Variants in UNC13C observed in about 807,000 individuals in gnomAD.
The protein encoded by UNC13C is protein unc-13 homolog C.
UNC13C carries 174 observed loss-of-function variants against 245.4 expected under a neutral mutation model. The ratio of observed to expected loss-of-function variants is 0.71; its 90% CI spans 0.63 to 0.80. UNC13C has a LOEUF of 0.80. UNC13C is among the 30% of genes least tolerant of loss of function. UNC13C has a pLI of 0.00. For missense variants in UNC13C, 2,829 were observed against 2,602.9 expected (o/e 1.09, Z -1.89); for synonymous variants, 992 against 895.1 (o/e 1.11, Z -1.93).
At chr15:54,491,054 C>T (rs1456878784) in intron 19 of UNC13C, among the ~76,000 whole-genome samples, 1 of 152,196 alleles carries the variant, frequency 6.6e-6, no homozygotes, top group African/African-American at 2.4e-5. Flanking sequence ...TTCCTAAGCT[C>T]CATCTACTTC....
chr15:54,337,234 G>A (rs770339174), intron 16 of UNC13C, among the ~76,000 whole-genome samples: 7 of 151,996 alleles, frequency 4.6e-5, no homozygotes, highest in Admixed American at 2.0e-4. Context: ...AGATTTAACC[G>A]GATTTATTTC....
chr15:53,943,005 C>CT, the UNC13C span, among the ~76,000 whole-genome samples: 1 of 152,120 alleles, frequency 6.6e-6, no homozygotes. Context: ...TGAAATCTTT[C>CT]TTTTCACTAA....
At chr15:53,851,755 G>A in the UNC13C span, among the ~76,000 whole-genome samples, 7 of 152,112 alleles carry the variant, frequency 4.6e-5, no homozygotes, top group East Asian at 1.9e-4. Flanking sequence ...GTTGTCCATC[G>A]TTCAATCACG....
At chr15:54,263,848 GTC>G (rs2036486477) in intron 8 of UNC13C, among the ~76,000 whole-genome samples, 1 of 152,056 alleles carries the variant, frequency 6.6e-6, no homozygotes, top group Non-Finnish European at 1.5e-5. Flanking sequence ...ATTTGATTGT[GTC>G]TGTTCTGTTT....
chr15:54,521,179 G>A (rs183999682), intron 24 of UNC13C, among the ~76,000 whole-genome samples: 5 of 152,224 alleles, frequency 3.3e-5, no homozygotes, highest in Admixed American at 6.5e-5. Context: ...ATGTTTTAAT[G>A]CAAAAATATT....
rs535010282 is a variant in UNC13C at position 54,416,955 on chromosome 15, A to C, written c.4933+1888A>C. ...GATGCCTGGATTTTTCTTCCCACCA[A>C]TCTTCATAAGCAGCCATGGAGGGCT... On this transcript the variant is annotated intron_variant, in intron 19 of 32. Transcript: ENST00000260323. 51 of 456,496 alleles carry C rather than the reference A, an allele frequency of 1.1e-4. 1 individual carries two copies. The Admixed American group carries it at 1.2e-3, about 11-fold the overall frequency. The allele number at this position is 456,496 out of a possible 1,614,324, so 28.3% of individuals were successfully genotyped here. A position where few individuals can be genotyped will look rare whatever the true frequency, so the allele number is the denominator to read the frequency against.
chr15:54,135,585 C>G (rs377237984), intron 2 of UNC13C, among the ~76,000 whole-genome samples: 3 of 151,878 alleles, frequency 2.0e-5, no homozygotes, highest in African/African-American at 7.3e-5. Flanking sequence ...ATTCTTGGCA[C>G]CTTCATCAAA....
At chr15:54,016,650 A>G (rs992874617) in intron 2 of UNC13C, among the ~76,000 whole-genome samples, 1 of 152,234 alleles carries the variant, frequency 6.6e-6, no homozygotes, top group Non-Finnish European at 1.5e-5. Flanking sequence ...TTTGGATTAT[A>G]TACTTTTGGA....
the UNC13C span, among the ~76,000 whole-genome samples, chr15:53,924,556 T>G: frequency 6.6e-6 from 1 of 152,226 alleles, no homozygotes; most frequent in Non-Finnish European, 1.5e-5. Flanking sequence ...TTTTAGCCTG[T>G]AGTAAGGATA....
In UNC13C at chr15:54,003,779, G is replaced by A. The variant is rs570159807; in HGVS notation, c.-256-8869G>A. On this transcript the variant is annotated intron_variant, in intron 1 of 32. Coordinates refer to ENST00000260323, the MANE Select transcript of UNC13C (RefSeq NM_001080534.3). ...TGTAATCCCAGCACTTTGGGAGGCCGAGGAGGGTGGATCACGAGGTCAGGA... is the reference window on the plus strand; with the variant it reads ...TGTAATCCCAGCACTTTGGGAGGCCAAGGAGGGTGGATCACGAGGTCAGGA... 3.7e-3 allele frequency among the ~76,000 whole-genome samples: 563 copies of A among 152,268 alleles called. 5 individuals carry two copies. The highest frequency in any genetic ancestry group is 0.013 in the African/African-American group (540 of 41,554).
intron 4 of UNC13C, among the ~76,000 whole-genome samples, chr15:54,156,590 G>A (rs940461754): frequency 3.3e-5 from 5 of 151,996 alleles, no homozygotes; most frequent in Non-Finnish European, 2.9e-5. Flanking sequence ...GAGGCACAAA[G>A]CTGTAGTGCA....
chr15:54,623,054 C>T (rs1364839470), intron 31 of UNC13C, among the ~76,000 whole-genome samples: 1 of 152,078 alleles, frequency 6.6e-6, no homozygotes, highest in Non-Finnish European at 1.5e-5. Context: ...GTAGTATATA[C>T]TGTCAATTTC....
At chr15:54,444,759 T>C (rs941425322) in intron 19 of UNC13C, among the ~76,000 whole-genome samples, 1 of 151,924 alleles carries the variant, frequency 6.6e-6, no homozygotes, top group Non-Finnish European at 1.5e-5. Context: ...ATCCATTCAC[T>C]TCCAGGTGTA....
chr15:54,449,296 T>A (rs938059677), intron 19 of UNC13C, among the ~76,000 whole-genome samples: 18 of 152,178 alleles, frequency 1.2e-4, no homozygotes, highest in Admixed American at 2.6e-4. Context: ...GCCTTCTCTG[T>A]ACTTCCTGAA....
intron 1 of UNC13C, among the ~76,000 whole-genome samples, chr15:53,985,979 T>G (rs1478584389): frequency 6.6e-6 from 1 of 151,950 alleles, no homozygotes; most frequent in Non-Finnish European, 1.5e-5. Flanking sequence ...TTGTTTCTAC[T>G]ACTGTGGGTC....
rs748620683 is a variant in UNC13C at position 54,013,242 on chromosome 15, T to C, written c.339T>C (p.Asn113=). The C allele has an allele frequency of 1.4e-5, 23 of 1,613,704 alleles. No individual in the cohort carries two copies. The South Asian group carries it at 1.9e-4, about 13-fold the overall frequency. The change falls in exon 2 of 33, where the codon AAT becomes AAC. Residue 113 remains asparagine, a synonymous_variant. Coordinates refer to ENST00000260323, the MANE Select transcript of UNC13C (RefSeq NM_001080534.3). Reference sequence around the variant, plus strand: ...ATGCTAAAGTAACCAACAGTGATAATGAGGATCTGCTTCAAGAGCTCTCTT... The same window carrying C: ...ATGCTAAAGTAACCAACAGTGATAACGAGGATCTGCTTCAAGAGCTCTCTT... ...QKNAKVTNSD[N]EDLLQELSSI...
chr15:54,567,549 A>C (rs749082976), intron 29 of UNC13C, among the ~76,000 whole-genome samples: 4 of 152,194 alleles, frequency 2.6e-5, no homozygotes, highest in Non-Finnish European at 5.9e-5. Context: ...TTTGTTTAAA[A>C]TCTTGCATAA....
At chr15:54,107,809 T>C (rs1900522331) in intron 2 of UNC13C, among the ~76,000 whole-genome samples, 2 of 152,228 alleles carry the variant, frequency 1.3e-5, no homozygotes, top group African/African-American at 4.8e-5. Context: ...GATTAGGTCA[T>C]CTCTCAAAGT....
upstream of UNC13C, among the ~76,000 whole-genome samples, chr15:53,973,605 G>T (rs1439662051): frequency 6.7e-6 from 1 of 148,340 alleles, no homozygotes; most frequent in Admixed American, 6.7e-5. Context: ...AATCCAAAAA[G>T]TGGAAAAAAA....
Sources: allele counts gnomAD v4.1 joint callset (sites outside exome capture counted in the v4.1 genomes callset), GRCh38; gene constraint gnomAD v4.1.1; transcripts MANE v1.5; gene names NCBI Gene and HGNC (gene_info 2026-07-23, HGNC 2026-07-21).